TENM3: variants seen among roughly 807,000 people sequenced by gnomAD.
The protein encoded by TENM3 is teneurin-3.
TENM3 carries 63 observed loss-of-function variants against 255.1 expected under a neutral mutation model. That is an observed-to-expected ratio of 0.25 (90% CI 0.20 to 0.30). The LOEUF (loss-of-function observed/expected upper bound fraction) is 0.30. Among genes scored for constraint, TENM3 ranks in the 10% least tolerant of loss-of-function variants. The pLI, the probability that TENM3 is intolerant of heterozygous loss-of-function variation, is 1.00. For synonymous variants in TENM3, 1,306 were observed against 1,322.3 expected (o/e 0.99, Z 0.27); for missense variants, 2,929 against 3,461.1 (o/e 0.85, Z 3.86).
chr4:182,499,261 A>C (rs762476149), intron 3 of TENM3, among the ~76,000 whole-genome samples: 1 of 152,234 alleles, frequency 6.6e-6, no homozygotes, highest in Non-Finnish European at 1.5e-5. Flanking sequence ...TTAGGGTAAC[A>C]AAAAAGAAAA....
At chr4:181,923,098 G>C in the TENM3 span, among the ~76,000 whole-genome samples, 18 of 152,300 alleles carry the variant, frequency 1.2e-4, no homozygotes, top group Admixed American at 1.0e-3. Flanking sequence ...TGGTCTGAGA[G>C]ACAGTTTGTT....
the TENM3 span, among the ~76,000 whole-genome samples, chr4:181,895,877 C>T: frequency 6.6e-6 from 1 of 152,082 alleles, no homozygotes; most frequent in African/African-American, 2.4e-5. Context: ...CTTTCCCCTC[C>T]ACCATGCCCG....
chr4:182,564,910 G>T lies in TENM3; in HGVS notation c.512-36014G>T, dbSNP rs542081808. On this transcript the variant is annotated intron_variant, in intron 3 of 27. Transcript: ENST00000511685. ...CTTAGCTTTTATGTCTGTTGTTTCTGAACAGCTCATTACAACATGACAGTA... is the reference window on the plus strand; with the variant it reads ...CTTAGCTTTTATGTCTGTTGTTTCTTAACAGCTCATTACAACATGACAGTA... 6.1e-3 allele frequency among the ~76,000 whole-genome samples: 933 copies of T among 152,172 alleles called. 4 individuals carry two copies. Among genetic ancestry groups the T allele is most frequent in the Non-Finnish European group, 9.0e-3 (611 of 67,996 alleles).
At chr4:181,551,905 G>T in the TENM3 span, among the ~76,000 whole-genome samples, 1 of 140,188 alleles carries the variant, frequency 7.1e-6, no homozygotes, top group African/African-American at 2.6e-5. Flanking sequence ...AATTTTGCCT[G>T]TATTCTTTCC....
chr4:182,372,828 A>G (rs1204612882), intron 3 of TENM3, among the ~76,000 whole-genome samples: 2 of 152,170 alleles, frequency 1.3e-5, no homozygotes, highest in Non-Finnish European at 2.9e-5. Context: ...TCCCAGGCTC[A>G]ACTGATCCTC....
chr4:181,655,169 A>G, the TENM3 span, among the ~76,000 whole-genome samples: 19 of 152,196 alleles, frequency 1.2e-4, no homozygotes, highest in Non-Finnish European at 1.5e-5. Flanking sequence ...GCCAGTGAGA[A>G]TCAAAAGTCA....
the TENM3 span, among the ~76,000 whole-genome samples, chr4:181,501,891 C>T: frequency 9.9e-3 from 1,501 of 152,170 alleles, 27 homozygotes; most frequent in African/African-American, 0.034. Context: ...AGCTACAGGG[C>T]GAGCCGGGAC....
intron 1 of TENM3, among the ~76,000 whole-genome samples, chr4:182,287,800 G>A (rs1163010860): frequency 6.6e-6 from 1 of 151,638 alleles, no homozygotes; most frequent in East Asian, 2.0e-4. Flanking sequence ...CGTATTTTTA[G>A]TAAAGAGGTG....
At chr4:181,551,366 C>T in the TENM3 span, among the ~76,000 whole-genome samples, 31 of 152,290 alleles carry the variant, frequency 2.0e-4, no homozygotes, top group Admixed American at 2.0e-3. Flanking sequence ...GGCAGATACA[C>T]ACTCAGGGAC....
chr4:181,539,193 G>A, the TENM3 span, among the ~76,000 whole-genome samples: 854 of 152,044 alleles, frequency 5.6e-3, 1 homozygote, highest in Middle Eastern at 0.01. Flanking sequence ...AACCAACCAG[G>A]GAAAACTAAA....
chr4:181,793,729 A>G, the TENM3 span, among the ~76,000 whole-genome samples: 52 of 152,326 alleles, frequency 3.4e-4, no homozygotes, highest in South Asian at 6.6e-3. Flanking sequence ...CTAACTCTCA[A>G]AAGGGCTGGC....
At chr4:182,780,773 T>A (rs574911759) in intron 24 of TENM3, among the ~76,000 whole-genome samples, 1 of 152,134 alleles carries the variant, frequency 6.6e-6, no homozygotes, top group South Asian at 2.1e-4. Flanking sequence ...GTCCTTCACA[T>A]CCCTTGTAAG....
chr4:182,625,853 A>G (rs1304640751), intron 4 of TENM3, among the ~76,000 whole-genome samples: 1 of 152,080 alleles, frequency 6.6e-6, no homozygotes, highest in Non-Finnish European at 1.5e-5. Flanking sequence ...CTCACTCTTC[A>G]TGTATAATCC....
chr4:182,791,107 G>C (rs1766071813), intron 25 of TENM3, among the ~76,000 whole-genome samples: 1 of 152,224 alleles, frequency 6.6e-6, no homozygotes, highest in South Asian at 2.1e-4. Context: ...GATTCCAAAA[G>C]TAGGTATTCA....
chr4:182,219,277 C>T (rs1300198787), intron 1 of TENM3, among the ~76,000 whole-genome samples: 1 of 151,780 alleles, frequency 6.6e-6, no homozygotes, highest in Non-Finnish European at 1.5e-5. Context: ...TTGAAGAGAG[C>T]GAAGTAATTG....
chr4:182,593,381 A>C (rs1746866175), intron 3 of TENM3, among the ~76,000 whole-genome samples: 1 of 152,002 alleles, frequency 6.6e-6, no homozygotes. Context: ...ACCTCCACCC[A>C]GTTTCTGCCT....
intron 3 of TENM3, among the ~76,000 whole-genome samples, chr4:182,563,785 A>G (rs1221164479): frequency 6.6e-6 from 1 of 152,222 alleles, no homozygotes; most frequent in African/African-American, 2.4e-5. Flanking sequence ...CTAGGAAAAA[A>G]GCTGTTACAA....
chr4:182,528,570 A>G (rs867755207), intron 3 of TENM3, among the ~76,000 whole-genome samples: 23 of 152,232 alleles, frequency 1.5e-4, no homozygotes, highest in Admixed American at 5.9e-4. Context: ...GAGAACAAAC[A>G]GGAGTCTCAT....
the TENM3 span, among the ~76,000 whole-genome samples, chr4:181,575,277 T>C: frequency 6.6e-6 from 1 of 152,218 alleles, no homozygotes; most frequent in African/African-American, 2.4e-5. Context: ...TTAATTACAC[T>C]TTCTGATGTA....
Sources: allele counts gnomAD v4.1 joint callset (sites outside exome capture counted in the v4.1 genomes callset), GRCh38; gene constraint gnomAD v4.1.1; transcripts MANE v1.5; gene names NCBI Gene and HGNC (gene_info 2026-07-23, HGNC 2026-07-21).